Variants in LRMDA observed in about 807,000 individuals in gnomAD.
The protein encoded by LRMDA is leucine rich melanocyte differentiation associated.
Under a neutral mutation model 29.8 loss-of-function variants are expected in LRMDA, and 18 were observed. That is an observed-to-expected ratio of 0.60 (90% CI 0.42 to 0.90). LRMDA has a LOEUF of 0.90. LRMDA is among the 40% of genes least tolerant of loss of function. The pLI is 0.00. For missense variants in LRMDA, 273 were observed against 273.9 expected (o/e 1.00, Z 0.02); for synonymous variants, 125 against 109.4 (o/e 1.14, Z -0.89).
chr10:76,400,839 A>G (rs1841840245), intron 6 of LRMDA, among the ~76,000 whole-genome samples: 1 of 152,204 alleles, frequency 6.6e-6, no homozygotes, highest in Non-Finnish European at 1.5e-5. Context: ...GTTTGAGAAC[A>G]TTGCTGTATC....
chr10:76,550,466 T>A (rs1843479948), intron 6 of LRMDA, among the ~76,000 whole-genome samples: 1 of 151,916 alleles, frequency 6.6e-6, no homozygotes, highest in Non-Finnish European at 1.5e-5. Flanking sequence ...CAGTGTGCAG[T>A]ATCCCCGCCC....
At chr10:76,549,685 C>T (rs965569983) in intron 6 of LRMDA, among the ~76,000 whole-genome samples, 3 of 152,094 alleles carry the variant, frequency 2.0e-5, no homozygotes, top group Non-Finnish European at 4.4e-5. Context: ...AGTGTTTACT[C>T]TACTTTATGA....
intron 2 of LRMDA, among the ~76,000 whole-genome samples, chr10:75,787,428 T>C (rs1469522924): frequency 6.6e-6 from 1 of 152,174 alleles, no homozygotes; most frequent in Non-Finnish European, 1.5e-5. Flanking sequence ...CTGAATCTTA[T>C]TTGACCAGAA....
chr10:75,460,145 G>A lies in LRMDA; in HGVS notation c.131+21651G>A, dbSNP rs142217935. 2.6e-4 allele frequency among the ~76,000 whole-genome samples: 39 copies of A among 152,242 alleles called. No individual in the cohort carries two copies. The East Asian group carries it at 6.9e-3, about 27-fold the overall frequency. Reference sequence around the variant, plus strand: ...ACTCAGTTAAGTATTTGCAAATAGTGACATTTATTTTCCCCTTAAAGTTCA... The same window carrying A: ...ACTCAGTTAAGTATTTGCAAATAGTAACATTTATTTTCCCCTTAAAGTTCA... On this transcript the variant is annotated intron_variant, in intron 2 of 6. Coordinates refer to ENST00000611255, the MANE Select transcript of LRMDA (RefSeq NM_001305581.2).
chr10:76,226,931 T>C (rs757665764), intron 5 of LRMDA, among the ~76,000 whole-genome samples: 1 of 152,290 alleles, frequency 6.6e-6, no homozygotes. Context: ...ACTAAGACAT[T>C]GTGTCAGATT....
chr10:75,686,850 T>A (rs1842088949), intron 2 of LRMDA, among the ~76,000 whole-genome samples: 1 of 152,234 alleles, frequency 6.6e-6, no homozygotes, highest in African/African-American at 2.4e-5. Flanking sequence ...ATGTGCTCGC[T>A]TCGTGGCTCT....
intron 2 of LRMDA, among the ~76,000 whole-genome samples, chr10:75,560,409 C>T (rs1417284484): frequency 1.3e-5 from 2 of 149,848 alleles, no homozygotes; most frequent in Non-Finnish European, 3.0e-5. Flanking sequence ...GCTGAAGTTG[C>T]TTATCAGCTT....
At chr10:76,177,093 G>C (rs567421890) in intron 5 of LRMDA, among the ~76,000 whole-genome samples, 1 of 152,182 alleles carries the variant, frequency 6.6e-6, no homozygotes, top group Non-Finnish European at 1.5e-5. Flanking sequence ...AGCACAGCCT[G>C]TTCAAGTTTA....
At chr10:75,881,582 G>A (rs1053256696) in intron 2 of LRMDA, among the ~76,000 whole-genome samples, 1 of 152,132 alleles carries the variant, frequency 6.6e-6, no homozygotes, top group Non-Finnish European at 1.5e-5. Context: ...TTGCATAGGA[G>A]TGTAACTTTG....
intron 2 of LRMDA, among the ~76,000 whole-genome samples, chr10:75,572,407 T>G (rs551460013): frequency 5.0e-4 from 76 of 152,214 alleles, no homozygotes; most frequent in African/African-American, 1.7e-3. Context: ...ACAGGCTTTG[T>G]TTTATTCTTT....
intron 2 of LRMDA, among the ~76,000 whole-genome samples, chr10:75,530,147 TAAA>T (rs142559762): frequency 0.015 from 2,263 of 151,730 alleles, 58 homozygotes; most frequent in African/African-American, 0.052. Context: ...GTAAAAAAAA[TAAA>T]GAAGAAGGCT....
At chr10:76,068,592 C>G (rs923435627) in intron 5 of LRMDA, among the ~76,000 whole-genome samples, 2 of 152,192 alleles carry the variant, frequency 1.3e-5, no homozygotes, top group African/African-American at 4.8e-5. Flanking sequence ...AGGCAGAGCC[C>G]AGGCAGTAAT....
At chr10:75,870,577 C>T (rs879269965) in intron 2 of LRMDA, among the ~76,000 whole-genome samples, 8 of 152,180 alleles carry the variant, frequency 5.3e-5, no homozygotes, top group East Asian at 3.9e-4. Flanking sequence ...TCTCAGTCAC[C>T]GCATCTGGTG....
chr10:75,545,283 A>T (rs976353446), intron 2 of LRMDA, among the ~76,000 whole-genome samples: 1 of 152,158 alleles, frequency 6.6e-6, no homozygotes, highest in African/African-American at 2.4e-5. Context: ...GTCAGAAACT[A>T]CAATCTGTTA....
chr10:76,215,645 A>C (rs1031476600), intron 5 of LRMDA, among the ~76,000 whole-genome samples: 13 of 152,154 alleles, frequency 8.5e-5, no homozygotes, highest in African/African-American at 2.2e-4. Context: ...AGTGGGGATC[A>C]TTTTTCTTCT....
intron 5 of LRMDA, among the ~76,000 whole-genome samples, chr10:76,164,440 A>G (rs1436551133): frequency 6.6e-6 from 1 of 152,226 alleles, no homozygotes; most frequent in Non-Finnish European, 1.5e-5. Context: ...ATTACAGCCC[A>G]TAAACCAAAT....
At chr10:75,760,215 G>GACAGAATGTAAATTT in intron 2 of LRMDA, among the ~76,000 whole-genome samples, 1 of 152,272 alleles carries the variant, frequency 6.6e-6, no homozygotes, top group Non-Finnish European at 1.5e-5. Flanking sequence ...GCCCCAGGAG[G>GACAGAATGTAAATTT]ACAGAAATGT....
At chr10:75,655,307 A>G (rs1841654590) in intron 2 of LRMDA, among the ~76,000 whole-genome samples, 1 of 152,238 alleles carries the variant, frequency 6.6e-6, no homozygotes. Context: ...AAGGATTTTG[A>G]CATTTCTGAG....
chr10:76,063,525 T>C (rs1359953702), intron 5 of LRMDA, among the ~76,000 whole-genome samples: 1 of 152,146 alleles, frequency 6.6e-6, no homozygotes. Flanking sequence ...TATTTGTGTG[T>C]GTGCCTACGT....
Sources: allele counts gnomAD v4.1 joint callset (sites outside exome capture counted in the v4.1 genomes callset), GRCh38; gene constraint gnomAD v4.1.1; transcripts MANE v1.5; gene names NCBI Gene and HGNC (gene_info 2026-07-23, HGNC 2026-07-21).